CDC16: variants seen among roughly 807,000 people sequenced by gnomAD.
CDC16 encodes the protein cell division cycle protein 16 homolog.
A neutral mutation model predicts 87.0 loss-of-function variants in CDC16; 34 were observed. The observed-to-expected ratio is 0.39, with a 90% confidence interval of 0.30 to 0.52. The LOEUF (loss-of-function observed/expected upper bound fraction) is 0.52, where lower values mean the gene tolerates loss of function less well. CDC16 is among the 20% of genes least tolerant of loss of function. The pLI is 0.74. For missense variants in CDC16, 653 were observed against 751.9 expected (o/e 0.87, Z 1.54); for synonymous variants, 263 against 260.6 (o/e 1.01, Z -0.09).
At chr13:114,268,217 A>G (rs1189247502) in intron 17 of CDC16, among the ~76,000 whole-genome samples, 1 of 152,218 alleles carries the variant, frequency 6.6e-6, no homozygotes, top group African/African-American at 2.4e-5. Flanking sequence ...AAGGCTCTCT[A>G]GAGAGGGAAA....
chr13:114,262,088 C>T, intron 15 of CDC16, 140 bp downstream of exon 15: 1 of 502,652 alleles, frequency 2.0e-6, no homozygotes, highest in Non-Finnish European at 3.6e-6. Context: ...AGCATCAAAT[C>T]AGTTTTTATT....
At chr13:114,239,274 A>G in intron 4 of CDC16, 76 bp from the exon 5 acceptor site, 2 of 1,535,612 alleles carry the variant, frequency 1.3e-6, no homozygotes, top group Non-Finnish European at 1.8e-6. Context: ...AGTATATGTT[A>G]TCCTTTAAAA....
intron 16 of CDC16, among the ~76,000 whole-genome samples, chr13:114,264,558 C>CA (rs1425350344): frequency 1.9e-4 from 28 of 146,718 alleles, no homozygotes; most frequent in South Asian, 6.5e-4. Context: ...GACTCTGTCT[C>CA]AAAAAAAAAG....
chr13:114,254,283 C>T (rs967700542), intron 12 of CDC16, among the ~76,000 whole-genome samples: 1 of 152,060 alleles, frequency 6.6e-6, no homozygotes, highest in African/African-American at 2.4e-5. Flanking sequence ...TCTTTATTGT[C>T]TATACATCAC....
In CDC16 at chr13:114,257,207, C is replaced by A; in HGVS notation, c.1227C>A (p.Gly409=). ...PEDPFVMHEV[G]VVAFQNGEWK... Reference sequence around the variant, plus strand: ...ACCCTTTTGTTATGCATGAGGTCGGCGTGGTTGCATTTCAGAATGGAGAGT... The same window carrying A: ...ACCCTTTTGTTATGCATGAGGTCGGAGTGGTTGCATTTCAGAATGGAGAGT... Residue 409 remains glycine (G), a synonymous_variant, in exon 13 of 18, where the codon GGC becomes GGA. Coordinates refer to ENST00000356221, the MANE Select transcript of CDC16 (RefSeq NM_001078645.3). 1.9e-6 allele frequency: 3 copies of A among 1,607,330 alleles called. No homozygotes were observed. Among genetic ancestry groups the A allele is most frequent in the Non-Finnish European group, 2.6e-6 (3 of 1,175,634 alleles).
chr13:114,239,562 A>G, intron 5 of CDC16, 72 bp downstream of exon 5: 2 of 1,397,530 alleles, frequency 1.4e-6, no homozygotes, highest in South Asian at 2.0e-5. Context: ...GAAACACATT[A>G]TCTTCTTTTA....
chr13:114,262,762 T>G (rs976404819), intron 15 of CDC16, 117 bp from the exon 16 acceptor site: 2 of 961,668 alleles, frequency 2.1e-6, no homozygotes, highest in Admixed American at 1.9e-5. Context: ...TTCACCAGTC[T>G]AGACTGCTGT....
chr13:114,263,942 C>G (rs1300783233), intron 16 of CDC16, among the ~76,000 whole-genome samples: 1 of 152,134 alleles, frequency 6.6e-6, no homozygotes, highest in Non-Finnish European at 1.5e-5. Context: ...TAGGAAACCA[C>G]AGGTAAAAGG....
chr13:114,236,727 C>T, intron 2 of CDC16, 28 bp downstream of exon 2: 1 of 1,612,996 alleles, frequency 6.2e-7, no homozygotes, highest in South Asian at 1.1e-5. Flanking sequence ...AACTGGTTTT[C>T]TGATTAATCT....
At chr13:114,238,743 T>C (rs1425737393) in intron 3 of CDC16, among the ~76,000 whole-genome samples, 6 of 152,232 alleles carry the variant, frequency 3.9e-5, no homozygotes, top group African/African-American at 1.4e-4. Flanking sequence ...GCTTACCTGT[T>C]GTGCTTAGTT....
intron 5 of CDC16, among the ~76,000 whole-genome samples, chr13:114,239,711 T>C (rs931530085): frequency 2.0e-5 from 3 of 152,264 alleles, no homozygotes; most frequent in Non-Finnish European, 4.4e-5. Context: ...CAAAATAGGC[T>C]GGCTTGAAAC....
intron 17 of CDC16, among the ~76,000 whole-genome samples, chr13:114,267,692 G>A (rs991849413): frequency 4.0e-5 from 6 of 151,384 alleles, no homozygotes; most frequent in African/African-American, 1.5e-4. Context: ...TCTAGATAGA[G>A]TAATCACTAA....
intron 14 of CDC16, among the ~76,000 whole-genome samples, chr13:114,261,156 G>C (rs1424303826): frequency 6.6e-6 from 1 of 152,146 alleles, no homozygotes; most frequent in Non-Finnish European, 1.5e-5. Flanking sequence ...GCAAAAATTG[G>C]AGCTAATTCA....
At chr13:114,269,050 C>T (rs951363105) in intron 17 of CDC16, among the ~76,000 whole-genome samples, 1 of 151,624 alleles carries the variant, frequency 6.6e-6, no homozygotes, top group Admixed American at 6.6e-5. Context: ...AAACCTCAAC[C>T]AACAACGTGT....
chr13:114,258,560 A>G (rs763113738), intron 13 of CDC16, among the ~76,000 whole-genome samples: 2 of 152,220 alleles, frequency 1.3e-5, no homozygotes, highest in Non-Finnish European at 2.9e-5. Flanking sequence ...AAACACATGT[A>G]TTAGAGAAGC....
chr13:114,262,288 T>G (rs1206431951), intron 15 of CDC16, among the ~76,000 whole-genome samples: 1 of 152,230 alleles, frequency 6.6e-6, no homozygotes, highest in African/African-American at 2.4e-5. Context: ...AAAAATGGGT[T>G]TTTTGGTTAA....
At chr13:114,244,080 A>G (rs986664871) in intron 8 of CDC16, 91 bp downstream of exon 8, 17 of 866,568 alleles carry the variant, frequency 2.0e-5, no homozygotes, top group Admixed American at 4.6e-5. Flanking sequence ...AATAATCTTG[A>G]ACTAGATGAT....
intron 10 of CDC16, 43 bp downstream of exon 10, chr13:114,246,092 TGTAC>T: frequency 7.8e-6 from 7 of 900,416 alleles, no homozygotes; most frequent in Non-Finnish European, 1.2e-5. Flanking sequence ...TTTTTTTACC[TGTAC>T]TTTAAGAAAA....
chr13:114,257,063 T>C lies in CDC16; in HGVS notation c.1098-15T>C. 6.6e-7 allele frequency: 1 copy of C among 1,516,740 alleles called. No individual in the cohort carries two copies. The highest frequency in any genetic ancestry group is 8.9e-7 in the Non-Finnish European group (1 of 1,117,840). The allele number at this position is 1,516,740 out of a possible 1,614,324, so 94.0% of individuals were successfully genotyped here. A position where few individuals can be genotyped will look rare whatever the true frequency, so the allele number is the denominator to read the frequency against. On this transcript the variant is annotated splice_polypyrimidine_tract_variant and intron_variant, in intron 12 of 17. Coordinates refer to ENST00000356221, the MANE Select transcript of CDC16 (RefSeq NM_001078645.3). ...GTTTTTGGTGTTGAATATGTGAAAT[T>C]TTCCAATTTTTTAGGTGTCATTTGC...
Sources: gnomAD v4.1 joint callset for allele counts (sites outside exome capture counted in the v4.1 genomes callset) on GRCh38, gnomAD v4.1.1 for gene constraint, MANE v1.5 for transcripts, NCBI Gene and HGNC (gene_info 2026-07-23, HGNC 2026-07-21) for gene names.